The following RAB38 variants were observed in gnomAD, a reference collection of about 807,000 sequenced individuals.
RAB38 encodes RAB38, member RAS oncogene family.
RAB38 carries 15 observed loss-of-function variants against 18.4 expected under a neutral mutation model. The ratio of observed to expected loss-of-function variants is 0.82; its 90% confidence interval spans 0.55 to 1.26. The LOEUF is 1.26. Ranked by LOEUF, RAB38 falls within the 50% of genes most tolerant of loss-of-function variation. RAB38 has a pLI of 0.00. For missense variants in RAB38, 294 were observed against 267.4 expected (o/e 1.10, Z -0.69); for synonymous variants, 101 against 104.4 (o/e 0.97, Z 0.20).
At chr11:87,977,603 T>A in the RAB38 span, among the ~76,000 whole-genome samples, 4 of 118,380 alleles carry the variant, frequency 3.4e-5, no homozygotes, top group African/African-American at 6.7e-5. Flanking sequence ...TTATGTACTA[T>A]ACAATTATAT....
the RAB38 span, among the ~76,000 whole-genome samples, chr11:88,035,884 T>C: frequency 1.5e-4 from 23 of 152,082 alleles, no homozygotes; most frequent in Non-Finnish European, 1.5e-5. Flanking sequence ...TTTGGGATCA[T>C]GGCTCCTTAA....
the RAB38 span, among the ~76,000 whole-genome samples, chr11:88,003,763 T>G: frequency 0.029 from 335 of 11,560 alleles, 50 homozygotes; most frequent in African/African-American, 0.041. Context: ...ATATATAATA[T>G]ATTGTATATA....
At chr11:88,080,712 G>C in the RAB38 span, among the ~76,000 whole-genome samples, 1 of 151,780 alleles carries the variant, frequency 6.6e-6, no homozygotes, top group Non-Finnish European at 1.5e-5. Context: ...AACACAAGAC[G>C]AAGTCCAAAA....
the RAB38 span, among the ~76,000 whole-genome samples, chr11:88,040,700 C>A: frequency 7.1e-6 from 1 of 141,806 alleles, no homozygotes; most frequent in Admixed American, 7.3e-5. Flanking sequence ...GAGACCCTGT[C>A]TCAAACAACA....
At chr11:87,852,158 T>A in the RAB38 span, among the ~76,000 whole-genome samples, 1 of 152,132 alleles carries the variant, frequency 6.6e-6, no homozygotes, top group African/African-American at 2.4e-5. Context: ...TCCTTTCCTC[T>A]GGGTATAGAG....
the RAB38 span, among the ~76,000 whole-genome samples, chr11:88,086,577 G>A: frequency 6.6e-6 from 1 of 152,060 alleles, no homozygotes; most frequent in East Asian, 1.9e-4. Flanking sequence ...CTGGATATTA[G>A]AGTAGGAGGT....
the RAB38 span, among the ~76,000 whole-genome samples, chr11:87,937,905 T>C: frequency 1.3e-5 from 2 of 148,940 alleles, no homozygotes; most frequent in Non-Finnish European, 3.0e-5. Flanking sequence ...ATGTATGCTT[T>C]ACAATCTTGT....
At chr11:88,097,537 C>T in the RAB38 span, among the ~76,000 whole-genome samples, 1 of 151,850 alleles carries the variant, frequency 6.6e-6, no homozygotes, top group Non-Finnish European at 1.5e-5. Context: ...CTTTGACCCC[C>T]TCACAGTATT....
intron 2 of RAB38, among the ~76,000 whole-genome samples, chr11:88,122,791 T>C (rs1167583965): frequency 6.6e-6 from 1 of 152,254 alleles, no homozygotes; most frequent in East Asian, 1.9e-4. Context: ...AATTTATTTT[T>C]ATGATAATTA....
chr11:88,140,543 C>T (rs183387470), intron 2 of RAB38, among the ~76,000 whole-genome samples: 39 of 152,218 alleles, frequency 2.6e-4, no homozygotes, highest in African/African-American at 9.4e-4. Context: ...CAGGGACCAG[C>T]CCCATAAGGA....
the RAB38 span, among the ~76,000 whole-genome samples, chr11:88,029,158 A>C: frequency 2.0e-4 from 31 of 152,082 alleles, no homozygotes; most frequent in East Asian, 1.5e-3. Flanking sequence ...GAAATAAAAT[A>C]CTTTACAGAC....
the RAB38 span, among the ~76,000 whole-genome samples, chr11:88,029,083 T>C: frequency 2.6e-5 from 4 of 151,860 alleles, no homozygotes; most frequent in Non-Finnish European, 5.9e-5. Flanking sequence ...TTCAACATTC[T>C]TAAAGAAAAG....
At chr11:87,977,956 T>C in the RAB38 span, among the ~76,000 whole-genome samples, 7 of 113,068 alleles carry the variant, frequency 6.2e-5, no homozygotes, top group African/African-American at 1.4e-4. Flanking sequence ...TAATATAATA[T>C]ATAAATAAGA....
chr11:88,090,559 A>AG, the RAB38 span, among the ~76,000 whole-genome samples: 1 of 151,612 alleles, frequency 6.6e-6, no homozygotes. Context: ...TTTTTATTAA[A>AG]GCATAGAAGG....
chr11:88,008,363 A>G, the RAB38 span, among the ~76,000 whole-genome samples: 1 of 152,210 alleles, frequency 6.6e-6, no homozygotes, highest in South Asian at 2.1e-4. Flanking sequence ...GGAACAAAAA[A>G]GAAAATGATG....
At chr11:87,953,273 G>A in the RAB38 span, among the ~76,000 whole-genome samples, 2 of 152,128 alleles carry the variant, frequency 1.3e-5, no homozygotes, top group Admixed American at 6.5e-5. Flanking sequence ...GGGGTTGTAG[G>A]CATGCACACA....
chr11:88,045,166 G>A, the RAB38 span, among the ~76,000 whole-genome samples: 1 of 152,110 alleles, frequency 6.6e-6, no homozygotes, highest in Admixed American at 6.6e-5. Context: ...AGGTCAGAAG[G>A]CCGTCTTATT....
the RAB38 span, among the ~76,000 whole-genome samples, chr11:88,031,582 A>G: frequency 2.0e-5 from 3 of 151,978 alleles, no homozygotes; most frequent in African/African-American, 7.3e-5. Flanking sequence ...TTATACACCA[A>G]TAACAGACAA....
the RAB38 span, among the ~76,000 whole-genome samples, chr11:87,856,079 T>C: frequency 6.6e-6 from 1 of 152,194 alleles, no homozygotes; most frequent in South Asian, 2.1e-4. Context: ...AGGTACATGT[T>C]GTGGTAAGGG....
Sources: gnomAD v4.1 joint callset for allele counts (sites outside exome capture counted in the v4.1 genomes callset) on GRCh38, gnomAD v4.1.1 for gene constraint, MANE v1.5 for transcripts, NCBI Gene and HGNC (gene_info 2026-07-23, HGNC 2026-07-21) for gene names.